Variants in BFSP1 observed in about 807,000 individuals in gnomAD.
BFSP1 encodes filensin.
A neutral mutation model predicts 43.9 loss-of-function variants in BFSP1; 38 were observed. The observed-to-expected ratio is 0.87, with a 90% confidence interval of 0.67 to 1.14. BFSP1 has a LOEUF of 1.14. BFSP1 is among the 50% of genes most tolerant of loss of function. BFSP1 has a pLI of 0.00. For missense variants in BFSP1, 850 were observed against 875.1 expected (o/e 0.97, Z 0.36); for synonymous variants, 352 against 354.8 (o/e 0.99, Z 0.09).
chr20:17,507,063 A>G lies in BFSP1; in HGVS notation c.735+1826T>C, dbSNP rs2033954616. ...TTTCATGTTCTCAGAAACCAGGTTA[A>G]TCTGTTGTGAAATTTCTTATTTTGA... On this transcript the variant is annotated intron_variant, in intron 5 of 7. Transcript: ENST00000377873. The surrounding 1 kb of genome is among the most constrained non-coding windows in gnomAD (Gnocchi z 4.4). The G allele has an allele frequency of 1.3e-5, 2 of 152,156 alleles. No individual in the cohort carries two copies. The highest frequency in any genetic ancestry group is 2.9e-5 in the Non-Finnish European group (2 of 68,026). 9.4% of individuals were successfully genotyped at this position (152,156 alleles called of 1,614,324 possible).
rs142869476 is a variant in BFSP1 at position 17,494,393 on chromosome 20, C to T, written c.1679G>A (p.Arg560His). ...GAELEGPEEK[R>H]EGEERDEESR... ...CTCTTCGTCCCGCTCCTCACCCTCA[C>T]GTTTCTCTTCAGGGCCTTCCAGCTC... The change falls in exon 8 of 8, where the codon CGT becomes CAT. Residue 560 changes from arginine to histidine, a missense_variant. By Grantham distance (29) the Arg-to-His change is conservative. Transcript: ENST00000377873. 222 of 1,614,120 alleles carry T rather than the reference C, an allele frequency of 1.4e-4. No homozygotes were observed. Among genetic ancestry groups the T allele is most frequent in the Non-Finnish European group, 1.8e-4 (210 of 1,180,054 alleles).
intron 1 of BFSP1, chr20:17,541,101 G>C (rs1255660271): frequency 4.6e-6 from 1 of 218,000 alleles, no homozygotes; most frequent in Non-Finnish European, 7.8e-6. Flanking sequence ...GAGGCGGGAG[G>C]ATCACTGGAG....
upstream of BFSP1, among the ~76,000 whole-genome samples, chr20:17,560,108 C>T (rs367817102): frequency 2.0e-5 from 3 of 151,912 alleles, no homozygotes; most frequent in East Asian, 1.9e-4. Flanking sequence ...CCTGCTACCC[C>T]CGAGAAGACA....
At chr20:17,539,105 CTTTTTTTTT>C (rs1156875265) in intron 1 of BFSP1, among the ~76,000 whole-genome samples, 3 of 63,564 alleles carry the variant, frequency 4.7e-5, no homozygotes, top group African/African-American at 2.1e-4. Context: ...ATTTCTTCTT[CTTTTTTTTT>C]TTTTTTTTTT....
intron 5 of BFSP1, among the ~76,000 whole-genome samples, chr20:17,503,533 C>A (rs1001159650): frequency 6.6e-6 from 1 of 152,144 alleles, no homozygotes; most frequent in Non-Finnish European, 1.5e-5. Context: ...TCACAACAAC[C>A]TTATCAGGGA....
At position 17,508,932 on chromosome 20, in the gene BFSP1, A is replaced by G. The variant is rs574220078; in HGVS notation, c.692T>C (p.Val231Ala). 13 of 1,603,568 alleles carry G rather than the reference A, an allele frequency of 8.1e-6. No individual in the cohort carries two copies. The East Asian group carries it at 2.9e-4, about 36-fold the overall frequency. Residue 231 changes from valine to alanine, a missense_variant, in exon 5 of 8, where the codon GTG (valine) becomes GCG (alanine). By Grantham distance (64) the Val-to-Ala change is moderately conservative. Transcript: ENST00000377873. ...TCTCTGCGCCTGCAGGTGGGAGAGC[A>G]CCTCCCGGCCCTCCTCCAGCTGACT... is the stretch of plus-strand genomic sequence containing the variant. ...LRSQLEEGREVLSHLQAQRVE... is the reference protein window; with the variant it reads ...LRSQLEEGREALSHLQAQRVE...
intron 1 of BFSP1, among the ~76,000 whole-genome samples, chr20:17,567,176 G>A (rs541451707): frequency 6.6e-6 from 1 of 152,196 alleles, no homozygotes; most frequent in African/African-American, 2.4e-5. Flanking sequence ...GTTAAATGCA[G>A]AGGCTGAAGT....
chr20:17,558,829 G>T, exon 1 of BFSP1: 1 of 1,285,668 alleles, frequency 7.8e-7, no homozygotes, highest in South Asian at 1.5e-5. Flanking sequence ...TCTGGGCTGA[G>T]AAAGAAAGGA....
At chr20:17,502,370 A>G (rs577413427) in intron 5 of BFSP1, among the ~76,000 whole-genome samples, 5 of 152,210 alleles carry the variant, frequency 3.3e-5, no homozygotes, top group Non-Finnish European at 4.4e-5. Context: ...AGGGAAACCC[A>G]AAAGGAGAGA....
intron 1 of BFSP1, among the ~76,000 whole-genome samples, chr20:17,537,006 CCGT>C (rs1280453559): frequency 2.0e-5 from 3 of 152,114 alleles, no homozygotes; most frequent in African/African-American, 7.2e-5. Context: ...TAGGGTGGAC[CCGT>C]CTGTGGTGCT....
rs143374645 is a variant in BFSP1, at chr20:17,494,569, T to C, written c.1503A>G (p.Glu501=). 2 of 1,614,082 alleles carry C rather than the reference T, an allele frequency of 1.2e-6. No individual in the cohort carries two copies. The highest frequency in any genetic ancestry group is 2.7e-5 in the African/African-American group (2 of 74,934). Reference sequence around the variant, plus strand: ...CCTGGCCGTCATAAAGCACAGAGTCTTCCGCAACAGAAACAGCCACCCCAC... The same window carrying C: ...CCTGGCCGTCATAAAGCACAGAGTCCTCCGCAACAGAAACAGCCACCCCAC... ...AKGGVAVSVA[E]DSVLYDGQVE... The change falls in exon 8 of 8, where the codon GAA becomes GAG. Residue 501 remains glutamate, a synonymous_variant. Coordinates refer to ENST00000377873, the MANE Select transcript of BFSP1 (RefSeq NM_001195.5).
upstream of BFSP1, among the ~76,000 whole-genome samples, chr20:17,561,014 G>C (rs1238131742): frequency 6.6e-6 from 1 of 152,094 alleles, no homozygotes. Context: ...GAAATTTCTA[G>C]TCTCTTCATT....
At chr20:17,564,401 C>T (rs957937730) in intron 1 of BFSP1, among the ~76,000 whole-genome samples, 4 of 151,298 alleles carry the variant, frequency 2.6e-5, no homozygotes, top group African/African-American at 9.7e-5. Flanking sequence ...GGGTTTTGAG[C>T]ACCATCAAGT....
chr20:17,549,989 A>G (rs1469117940), intron 1 of BFSP1, among the ~76,000 whole-genome samples: 1 of 152,214 alleles, frequency 6.6e-6, no homozygotes, highest in Non-Finnish European at 1.5e-5. Context: ...CCATATCACT[A>G]GGAGATCTGT....
At chr20:17,500,942 T>C (rs1382638154) in intron 5 of BFSP1, among the ~76,000 whole-genome samples, 1 of 152,200 alleles carries the variant, frequency 6.6e-6, no homozygotes, top group Non-Finnish European at 1.5e-5. Flanking sequence ...GCAGCCCTTC[T>C]GGAAGCCAGG....
intron 5 of BFSP1, among the ~76,000 whole-genome samples, chr20:17,504,777 A>G (rs781678053): frequency 1.4e-4 from 22 of 152,250 alleles, no homozygotes; most frequent in African/African-American, 4.8e-4. Flanking sequence ...TGCCTGGTTT[A>G]TATCTGTCTC....
At chr20:17,560,745 T>C (rs905794623), upstream of BFSP1, 4 of 151,904 alleles carry the variant, frequency 2.6e-5, no homozygotes, top group Non-Finnish European at 5.9e-5. Context: ...TGGTTCTGAG[T>C]TTTTCCTGCC....
Position 17,496,957 on chromosome 20 carries a change from G to A in BFSP1, c.1023C>T (p.Ser341=). The change falls in exon 7 of 8, where the codon AGC becomes AGT. Residue 341 remains serine, a synonymous_variant. Transcript: ENST00000377873. ...CGTTACCTTTCCCACCGGATCCAGT[G>A]CTGAGAGAGACTCCATGGCTCTGGG... The part of the protein sequence containing the change: ...LFTQSHGVSL[S]TGSGGKDLTR... 6.5e-7 allele frequency: 1 copy of A among 1,544,258 alleles called. No homozygotes were observed.
intron 1 of BFSP1, among the ~76,000 whole-genome samples, chr20:17,552,797 G>A (rs2034916301): frequency 1.3e-5 from 2 of 152,196 alleles, no homozygotes; most frequent in South Asian, 4.1e-4. Flanking sequence ...TGGAAGTGAA[G>A]CAGATTTGGG....
Sources: gnomAD v4.1 joint callset for allele counts (sites outside exome capture counted in the v4.1 genomes callset) on GRCh38, gnomAD v4.1.1 for gene constraint, Gnocchi (gnomAD v3.1) non-coding constraint, MANE v1.5 for transcripts, NCBI Gene and HGNC (gene_info 2026-07-23, HGNC 2026-07-21) for gene names.